Variants in CENPP observed in about 807,000 individuals in gnomAD.
CENPP encodes the protein centromere protein P.
In CENPP, 24 loss-of-function variants were observed where a neutral mutation model predicts 35.6. The observed-to-expected ratio is 0.67, with a 90% CI of 0.49 to 0.95. The LOEUF (loss-of-function observed/expected upper bound fraction) is 0.95. Among genes scored for constraint, CENPP ranks in the 40% least tolerant of loss-of-function variants. The probability of loss-of-function intolerance (pLI) is 0.00; values close to 1 mark genes in which losing one functional copy is unlikely to be tolerated. For missense variants in CENPP, 332 were observed against 345.3 expected, an observed-to-expected ratio of 0.96 and a Z score of 0.31; for synonymous variants, 120 against 125.5, an observed-to-expected ratio of 0.96 and a Z score of 0.29.
At chr9:92,402,373 A>G (rs528995261) in intron 5 of CENPP, among the ~76,000 whole-genome samples, 1 of 152,348 alleles carries the variant, frequency 6.6e-6, no homozygotes, top group South Asian at 2.1e-4. Context: ...GGTCAATCTT[A>G]TAAGTCTTTA....
At chr9:92,415,848 AAT>A (rs1019567222) in intron 5 of CENPP, among the ~76,000 whole-genome samples, 9 of 146,266 alleles carry the variant, frequency 6.2e-5, no homozygotes, top group Non-Finnish European at 9.0e-5. Flanking sequence ...TATATAAAAA[AAT>A]ATATATATAT....
At position 92,436,739 on chromosome 9, in the gene CENPP, C is replaced by T. The variant is rs1054044944; in HGVS notation, c.564+56880C>T. Among the ~76,000 whole-genome samples the T allele has an allele frequency of 3.9e-5, 6 of 152,096 alleles. No homozygotes were observed. The South Asian group carries it at 8.3e-4, about 21-fold the overall frequency. ...TCTTTTTCAGTTCTATTTATTTATA[C>T]GTCTGTCTTCCTGACAACACCACCT... On this transcript the variant is annotated intron_variant, in intron 5 of 7. Transcript: ENST00000375587.
chr9:92,484,632 A>G (rs1846013406), intron 5 of CENPP, among the ~76,000 whole-genome samples: 1 of 152,190 alleles, frequency 6.6e-6, no homozygotes, highest in Non-Finnish European at 1.5e-5. Flanking sequence ...ACTTCTCTTT[A>G]AAAATTAGGC....
At position 92,474,755 on chromosome 9, in the gene CENPP, TCA is replaced by T. The variant is rs1845650742; in HGVS notation, c.564+94897_564+94898del. ...AAGAGAGTTGTCCTCATCATCATCATCATCATCATCATCATCATCATCATCAT... is the reference window on the plus strand; with the variant it reads ...AAGAGAGTTGTCCTCATCATCATCATTCATCATCATCATCATCATCATCAT... On this transcript the variant is annotated intron_variant, in intron 5 of 7. Transcript: ENST00000375587. 3 of 1,610,078 alleles carry T rather than the reference TCA, an allele frequency of 1.9e-6. No individual in the cohort carries two copies. The Admixed American group carries it at 5.0e-5, about 27-fold the overall frequency.
At chr9:92,345,446 C>T (rs1198918530) in intron 3 of CENPP, among the ~76,000 whole-genome samples, 11 of 149,370 alleles carry the variant, frequency 7.4e-5, no homozygotes, top group Admixed American at 4.7e-4. Context: ...GAGCCGAGAT[C>T]GCGCCACTGC....
chr9:92,489,063 C>G (rs1002805630), intron 5 of CENPP, among the ~76,000 whole-genome samples: 2 of 152,188 alleles, frequency 1.3e-5, no homozygotes, highest in Non-Finnish European at 2.9e-5. Flanking sequence ...AGTTTACTTA[C>G]TGAGTTTAGA....
chr9:92,487,028 C>G (rs1024017084), intron 5 of CENPP, among the ~76,000 whole-genome samples: 1 of 152,138 alleles, frequency 6.6e-6, no homozygotes, highest in Non-Finnish European at 1.5e-5. Context: ...GTGATCTGCT[C>G]GCCTCGGCCT....
intron 5 of CENPP, among the ~76,000 whole-genome samples, chr9:92,510,786 C>T (rs1847285323): frequency 6.6e-6 from 1 of 152,146 alleles, no homozygotes; most frequent in African/African-American, 2.4e-5. Context: ...TAATCTCTTA[C>T]AAATTTTTCT....
intron 5 of CENPP, chr9:92,470,767 G>C: frequency 6.3e-7 from 1 of 1,582,810 alleles, no homozygotes; most frequent in Non-Finnish European, 8.6e-7. Context: ...ATGTTGGTTG[G>C]GACTGAGGTC....
chr9:92,613,004 A>G lies in CENPP; in HGVS notation c.737-15A>G. The G allele has an allele frequency of 6.2e-7, 1 of 1,613,790 alleles. No individual in the cohort carries two copies. The highest frequency in any genetic ancestry group is 1.1e-5 in the South Asian group (1 of 91,026). ...ACCTTGAAGTTTCTTACCCGGTTTA[A>G]TGTTTTCTTTATAGCCCTGGAGCTG... On this transcript the variant is annotated splice_polypyrimidine_tract_variant and intron_variant, in intron 7 of 7. Transcript: ENST00000375587.
chr9:92,417,509 T>C, intron 5 of CENPP: 1 of 1,610,062 alleles, frequency 6.2e-7, no homozygotes. Context: ...GCAATGTACT[T>C]TGACTCCAAA....
chr9:92,585,092 C>A (rs957174966), intron 5 of CENPP, among the ~76,000 whole-genome samples: 3 of 152,174 alleles, frequency 2.0e-5, no homozygotes, highest in African/African-American at 7.2e-5. Context: ...GGGAGATTTC[C>A]TGAAGAGATG....
At position 92,474,031 on chromosome 9, in the gene CENPP, C is replaced by T. The variant is rs141202754; in HGVS notation, c.564+94172C>T. Among the ~76,000 whole-genome samples the T allele has an allele frequency of 1.0e-3, 154 of 152,302 alleles. 1 individual carries two copies. The highest frequency in any genetic ancestry group is 3.5e-3 in the African/African-American group (144 of 41,552). On this transcript the variant is annotated intron_variant, in intron 5 of 7. Transcript: ENST00000375587. ...CTTGATATGCATTCCCATTAAGTCC[C>T]GTCCTTGAACGGGACATGGCTGTGC...
At chr9:92,556,510 G>C (rs1297228866) in intron 5 of CENPP, among the ~76,000 whole-genome samples, 1 of 152,162 alleles carries the variant, frequency 6.6e-6, no homozygotes, top group African/African-American at 2.4e-5. Context: ...AAATTTGGGA[G>C]CACCAGTGTT....
intron 5 of CENPP, among the ~76,000 whole-genome samples, chr9:92,508,127 C>T (rs1218226612): frequency 2.0e-5 from 3 of 152,126 alleles, no homozygotes; most frequent in African/African-American, 7.2e-5. Flanking sequence ...AGGGTGCCCT[C>T]ACAGCACTCC....
chr9:92,461,146 T>A (rs2131045831), intron 5 of CENPP, among the ~76,000 whole-genome samples: 1 of 152,350 alleles, frequency 6.6e-6, no homozygotes, highest in African/African-American at 2.4e-5. Flanking sequence ...TATTTTTATT[T>A]TGCCATATTT....
At chr9:92,448,139 C>T (rs1844599390) in intron 5 of CENPP, among the ~76,000 whole-genome samples, 1 of 152,178 alleles carries the variant, frequency 6.6e-6, no homozygotes. Flanking sequence ...GGGTTTCTTC[C>T]AGCCCACTGC....
At chr9:92,552,566 G>T (rs1345320427) in intron 5 of CENPP, among the ~76,000 whole-genome samples, 1 of 151,980 alleles carries the variant, frequency 6.6e-6, no homozygotes, top group Non-Finnish European at 1.5e-5. Flanking sequence ...ATCACATTGT[G>T]GTTTTGATTT....
At chr9:92,589,268 C>A (rs1353265324) in intron 5 of CENPP, among the ~76,000 whole-genome samples, 4 of 151,944 alleles carry the variant, frequency 2.6e-5, no homozygotes, top group African/African-American at 9.7e-5. Flanking sequence ...ATTGCTTGAA[C>A]CCCAGAGGCG....
Sources: allele counts gnomAD v4.1 joint callset (sites outside exome capture counted in the v4.1 genomes callset), GRCh38; gene constraint gnomAD v4.1.1; transcripts MANE v1.5; gene names NCBI Gene and HGNC (gene_info 2026-07-23, HGNC 2026-07-21).